ZNF438: variants seen among roughly 807,000 people sequenced by gnomAD.
ZNF438 encodes zinc finger protein 438.
A neutral mutation model predicts 38.0 loss-of-function variants in ZNF438; 25 were observed. That is an observed-to-expected ratio of 0.66 (90% CI 0.48 to 0.92). ZNF438 has a LOEUF of 0.92. Ranked by LOEUF, ZNF438 falls within the 40% of genes least tolerant of loss-of-function variation. The pLI is 0.00. For missense variants in ZNF438, 1,007 were observed against 999.6 expected (o/e 1.01, Z -0.10); for synonymous variants, 372 against 364.1 (o/e 1.02, Z -0.25).
rs757315526 is a variant in ZNF438, at chr10:30,849,090, T to C, written c.1315A>G (p.Lys439Glu). The C allele has an allele frequency of 2.5e-6, 4 of 1,614,050 alleles. No individual in the cohort carries two copies. The South Asian group carries it at 3.3e-5, about 13-fold the overall frequency. Reference sequence around the variant, plus strand: ...AAAGTGGGTATGACCATGATAGGTTTGGGCATAATGCTACGGTATTTTTTC... The same window carrying C: ...AAAGTGGGTATGACCATGATAGGTTCGGGCATAATGCTACGGTATTTTTTC... The change falls in exon 5 of 6, where the codon AAA becomes GAA. Residue 439 changes from lysine to glutamate, a missense_variant. Physicochemically the swap from Lys to Glu is moderately conservative, Grantham distance 56 (BLOSUM62 1). Coordinates refer to ENST00000413025, the Ensembl canonical transcript of ZNF438.
intron 1 of ZNF438, among the ~76,000 whole-genome samples, chr10:30,977,318 GA>G (rs930129461): frequency 4.6e-5 from 7 of 152,148 alleles, no homozygotes; most frequent in African/African-American, 1.7e-4. Flanking sequence ...CCATAACAAA[GA>G]GACTCAAAAG....
At chr10:30,978,761 C>T (rs1440216660) in intron 1 of ZNF438, among the ~76,000 whole-genome samples, 5 of 152,126 alleles carry the variant, frequency 3.3e-5, no homozygotes, top group African/African-American at 9.7e-5. Context: ...TTATTTTACT[C>T]AGTATAATGT....
intron 3 of ZNF438, among the ~76,000 whole-genome samples, chr10:30,888,520 CCCACCCT>C (rs1457588933): frequency 6.6e-6 from 1 of 152,126 alleles, no homozygotes; most frequent in Non-Finnish European, 1.5e-5. Context: ...TCTCCCTCCT[CCCACCCT>C]CCACCCTCTA....
intron 5 of ZNF438, among the ~76,000 whole-genome samples, chr10:30,845,865 A>C (rs952714375): frequency 6.6e-6 from 1 of 152,220 alleles, no homozygotes; most frequent in African/African-American, 2.4e-5. Flanking sequence ...CCACAGGGAC[A>C]GGAGCAATCA....
chr10:31,022,048 C>T (rs549732403), intron 1 of ZNF438, among the ~76,000 whole-genome samples: 9 of 152,212 alleles, frequency 5.9e-5, no homozygotes, highest in African/African-American at 1.9e-4. Flanking sequence ...TTTTGAAGTG[C>T]CATCTTATAC....
At position 30,871,825 on chromosome 10, in the gene ZNF438, T is replaced by C. The variant is rs560664853; in HGVS notation, c.37+5173A>G. ...CAAATCATGTAAAGATTTGGGAAATTAGTAGTAGCTGTACAGCACATGTCC... is the reference window on the plus strand; with the variant it reads ...CAAATCATGTAAAGATTTGGGAAATCAGTAGTAGCTGTACAGCACATGTCC... On this transcript the variant is annotated intron_variant, in intron 4 of 5. Coordinates refer to ENST00000413025, the Ensembl canonical transcript of ZNF438. Among the ~76,000 whole-genome samples, 7 of 152,208 alleles carry C rather than the reference T, an allele frequency of 4.6e-5. No homozygotes were observed. In the South Asian group the frequency reaches 1.0e-3, roughly 22 times the overall value.
chr10:31,014,241 C>T (rs1314486528), intron 1 of ZNF438, among the ~76,000 whole-genome samples: 1 of 152,112 alleles, frequency 6.6e-6, no homozygotes, highest in Non-Finnish European at 1.5e-5. Context: ...GTCTGAGCTA[C>T]CACAACAACA....
In ZNF438 at chr10:30,861,506, C is replaced by A. The variant is rs143170858; in HGVS notation, c.38-11139G>T. ...AGCCAATTACCTAGAATACTAGTGG[C>A]AATTAAAAAAAATAACACAATGTGG... On this transcript the variant is annotated intron_variant, in intron 4 of 5. Transcript: ENST00000413025. Among the ~76,000 whole-genome samples the A allele has an allele frequency of 3.7e-3, 564 of 151,646 alleles. 3 individuals are homozygous for A. The highest frequency in any genetic ancestry group is 0.014 in the Middle Eastern group (4 of 290).
chr10:30,859,805 GA>G (rs775397766), intron 4 of ZNF438, among the ~76,000 whole-genome samples: 1 of 151,474 alleles, frequency 6.6e-6, no homozygotes, highest in African/African-American at 2.4e-5. Flanking sequence ...TTTTTGTTGG[GA>G]AAAAAAAGGC....
intron 3 of ZNF438, among the ~76,000 whole-genome samples, chr10:30,878,435 C>A (rs1043080974): frequency 1.3e-5 from 2 of 152,134 alleles, no homozygotes; most frequent in African/African-American, 2.4e-5. Context: ...TCCCATCCCC[C>A]TTTCCAGCTC....
intron 1 of ZNF438, among the ~76,000 whole-genome samples, chr10:30,946,920 ATG>A (rs1347748121): frequency 2.6e-5 from 4 of 152,222 alleles, no homozygotes; most frequent in Non-Finnish European, 2.9e-5. Flanking sequence ...TGTTTAAAAT[ATG>A]CACATTTAAC....
intron 1 of ZNF438, among the ~76,000 whole-genome samples, chr10:31,028,136 A>G (rs1228079624): frequency 4.6e-5 from 7 of 151,816 alleles, no homozygotes; most frequent in Non-Finnish European, 1.0e-4. Context: ...TCCCCTTTCT[A>G]TGACAAAAAA....
At chr10:30,983,715 C>T (rs3006581) in intron 1 of ZNF438, among the ~76,000 whole-genome samples, 113,826 of 152,144 alleles carry the variant, frequency 0.75, 43,496 homozygotes, top group African/African-American at 0.89. Flanking sequence ...CTGGATTTTT[C>T]AAATTATTTT....
intron 1 of ZNF438, among the ~76,000 whole-genome samples, chr10:30,946,631 A>G (rs1291138466): frequency 6.6e-6 from 1 of 152,232 alleles, no homozygotes; most frequent in East Asian, 1.9e-4. Context: ...TGAAGGGAAT[A>G]TTTTGTAGAC....
intron 5 of ZNF438, among the ~76,000 whole-genome samples, chr10:30,846,606 C>T (rs1488986061): frequency 1.3e-5 from 2 of 152,204 alleles, no homozygotes; most frequent in Non-Finnish European, 2.9e-5. Context: ...CCTGCCCTTT[C>T]CAAGTTGACG....
Position 30,881,445 on chromosome 10 carries a change from A to G in ZNF438, c.-31-4380T>C, listed in dbSNP as rs188629379. On this transcript the variant is annotated intron_variant, in intron 3 of 5. Transcript: ENST00000413025. ...GGCAAAGTATGTGAAAGACCTATAC[A>G]CTGAAAACTAAAAAACACTCATAGA... Among the ~76,000 whole-genome samples the G allele has an allele frequency of 2.5e-3, 380 of 152,210 alleles. 2 individuals carry two copies. The highest frequency in any genetic ancestry group is 6.8e-3 in the Middle Eastern group (2 of 294).
At chr10:31,023,738 C>T (rs1443806829) in intron 1 of ZNF438, among the ~76,000 whole-genome samples, 1 of 152,226 alleles carries the variant, frequency 6.6e-6, no homozygotes, top group African/African-American at 2.4e-5. Context: ...CTCAACCTTT[C>T]CACTTAAGCA....
chr10:30,998,501 C>T (rs959824304), intron 1 of ZNF438, among the ~76,000 whole-genome samples: 1 of 119,682 alleles, frequency 8.4e-6, no homozygotes, highest in African/African-American at 3.2e-5. Context: ...CGAGATCACG[C>T]CCCTGCACTC....
intron 1 of ZNF438, among the ~76,000 whole-genome samples, chr10:31,012,526 G>T (rs536080527): frequency 6.6e-6 from 1 of 152,096 alleles, no homozygotes; most frequent in Admixed American, 6.5e-5. Flanking sequence ...CTCCCCATTG[G>T]AATTAAGCTC....
Sources: allele counts gnomAD v4.1 joint callset (sites outside exome capture counted in the v4.1 genomes callset), GRCh38; gene constraint gnomAD v4.1.1; transcripts MANE v1.5; gene names NCBI Gene and HGNC (gene_info 2026-07-23, HGNC 2026-07-21).